The following SAR1B variants were observed in gnomAD, a reference collection of about 807,000 sequenced individuals.
SAR1B encodes small COPII coat GTPase SAR1B.
Under a neutral mutation model 26.8 loss-of-function variants are expected in SAR1B, and 23 were observed. The ratio of observed to expected loss-of-function variants is 0.86; its 90% CI spans 0.62 to 1.22. The LOEUF (loss-of-function observed/expected upper bound fraction) is 1.22, where lower values mean the gene tolerates loss of function less well. Ranked by LOEUF, SAR1B falls within the 50% of genes most tolerant of loss-of-function variation. The pLI is 0.00. For synonymous variants in SAR1B, 65 were observed against 80.8 expected, an observed-to-expected ratio of 0.80 and a Z score of 1.05; for missense variants, 196 against 232.8, an observed-to-expected ratio of 0.84 and a Z score of 1.03.
Position 134,612,672 on chromosome 5 carries a change from A to ATTAACTTT in SAR1B, c.244+18_244+19insAAAGTTAA. ...AAAAAAAAAAAAAAAAAAAAAAAAA[A>ATTAACTTT]AAAAAAAAAGAATCTTACCTTGAAC... On this transcript the variant is annotated intron_variant, in intron 4 of 6. Transcript: ENST00000402673. 8.6e-7 allele frequency: 1 copy of ATTAACTTT among 1,158,864 alleles called. No homozygotes were observed. The highest frequency in any genetic ancestry group is 1.2e-6 in the Non-Finnish European group (1 of 851,856). The allele number at this position is 1,158,864 out of a possible 1,614,324, so 71.8% of individuals were successfully genotyped here.
In SAR1B at chr5:134,605,457, T is replaced by TGC. The variant is rs1765109105; in HGVS notation, c.*1492_*1493insGC. The TGC allele has an allele frequency of 6.6e-6, 1 of 152,036 alleles. No homozygotes were observed. The allele number at this position is 152,036 out of a possible 1,614,324, so 9.4% of individuals were successfully genotyped here. On this transcript the variant is annotated 3_prime_UTR_variant, in exon 7 of 7. Transcript: ENST00000402673. The stretch of plus-strand genomic sequence containing the variant: ...TTTTGAAAAACTAAAATTTTCTTAG[T>TGC]AAGCCTAGCAATGAGGCTTGCAGGC...
rs1318588293 is a variant in SAR1B at position 134,609,605 on chromosome 5, T to C, written c.314A>G (p.His105Arg). The change falls in exon 5 of 7, where the codon CAC becomes CGC. Residue 105 changes from histidine (H) to arginine (R), a missense_variant. Transcript: ENST00000402673. ...GIVFLVDCAD[H>R]ERLLESKEEL... ...TTCTTTTGACTCTAACAGCCTTTCG[T>C]GGTCTGCACAATCCACCAGAAATAC... 1.2e-6 allele frequency: 2 copies of C among 1,614,042 alleles called. No homozygotes were observed. Among genetic ancestry groups the C allele is most frequent in the African/African-American group, 1.3e-5 (1 of 74,922 alleles).
intron 2 of SAR1B, among the ~76,000 whole-genome samples, chr5:134,623,428 A>T (rs1181687874): frequency 6.6e-6 from 1 of 151,552 alleles, no homozygotes; most frequent in Non-Finnish European, 1.5e-5. Flanking sequence ...CGACAGAGCG[A>T]GACTCCATCT....
rs1765074366 is a variant in SAR1B, at chr5:134,603,423, A to G, written c.*3527T>C. The G allele has an allele frequency of 6.6e-6, 1 of 152,270 alleles. No homozygotes were observed. The highest frequency in any genetic ancestry group is 1.5e-5 in the Non-Finnish European group (1 of 68,046). 9.4% of individuals were successfully genotyped at this position (152,270 alleles called of 1,614,324 possible). ...TTAATAAAATAATTTTCTAGAATGC[A>G]AGAAACACTATTATCACAGTTATCA... is the stretch of plus-strand genomic sequence containing the variant. On this transcript the variant is annotated 3_prime_UTR_variant, in exon 7 of 7. Coordinates refer to ENST00000402673, the MANE Select transcript of SAR1B (RefSeq NM_016103.4).
Position 134,612,678 on chromosome 5 carries a change from A to AAAAAAAAT in SAR1B, c.244+12_244+13insATTTTTTT. ...AAAAAAAAAAAAAAAAAAAAAAAAA[A>AAAAAAAAT]AAAGAATCTTACCTTGAACATGTCC... On this transcript the variant is annotated intron_variant, in intron 4 of 6. Coordinates refer to ENST00000402673, the MANE Select transcript of SAR1B (RefSeq NM_016103.4). The AAAAAAAAT allele has an allele frequency of 2.0e-6, 2 of 1,000,232 alleles. No homozygotes were observed. The highest frequency in any genetic ancestry group is 2.8e-6 in the Non-Finnish European group (2 of 716,894). The allele number at this position is 1,000,232 out of a possible 1,614,324, so 62.0% of individuals were successfully genotyped here.
At chr5:134,612,794 G>C in intron 3 of SAR1B, 38 bp from the exon 4 acceptor site, 1 of 1,544,460 alleles carries the variant, frequency 6.5e-7, no homozygotes, top group Non-Finnish European at 8.8e-7. Context: ...ATGAAAATTA[G>C]AAACCCATTA....
At chr5:134,628,905 C>T (rs570130894) in intron 1 of SAR1B, among the ~76,000 whole-genome samples, 190 of 152,116 alleles carry the variant, frequency 1.2e-3, no homozygotes, top group African/African-American at 3.9e-3. Flanking sequence ...CCACTCGCCT[C>T]GGTGTCCCAA....
At chr5:134,624,587 C>T (rs1319340087) in intron 1 of SAR1B, among the ~76,000 whole-genome samples, 3 of 149,218 alleles carry the variant, frequency 2.0e-5, no homozygotes, top group South Asian at 4.2e-4. Flanking sequence ...AAACTAAAAT[C>T]GTTTAAAAAA....
At chr5:134,612,607 T>TGCA (rs1330183975) in intron 4 of SAR1B, 84 bp downstream of exon 4, 20 of 1,239,498 alleles carry the variant, frequency 1.6e-5, no homozygotes, top group Non-Finnish European at 2.0e-5. Flanking sequence ...ATTGCACCAC[T>TGCA]GCACTCCAGC....
chr5:134,608,230 C>A, intron 6 of SAR1B, 142 bp downstream of exon 6: 1 of 832,740 alleles, frequency 1.2e-6, no homozygotes, highest in Non-Finnish European at 1.9e-6. Context: ...GAAATGAGGA[C>A]ATTAAAAAGA....
chr5:134,621,454 C>T (rs1278513917), intron 2 of SAR1B, among the ~76,000 whole-genome samples: 1 of 149,998 alleles, frequency 6.7e-6, no homozygotes. Flanking sequence ...GCCTGGGCGA[C>T]AAAGTGAGAC....
chr5:134,620,217 A>G (rs376669083), intron 3 of SAR1B, among the ~76,000 whole-genome samples: 7 of 151,712 alleles, frequency 4.6e-5, no homozygotes, highest in East Asian at 3.9e-4. Flanking sequence ...GAGGCAGGAG[A>G]ATGGCGTGAA....
chr5:134,608,532 G>A (rs1176964529), intron 5 of SAR1B, 29 bp from the exon 6 acceptor site: 1 of 1,601,868 alleles, frequency 6.2e-7, no homozygotes, highest in African/African-American at 1.3e-5. Flanking sequence ...TACAAAACAA[G>A]AGTTGATATG....
intron 1 of SAR1B, among the ~76,000 whole-genome samples, chr5:134,628,661 T>A (rs533239383): frequency 3.4e-3 from 494 of 146,864 alleles, no homozygotes; most frequent in South Asian, 7.6e-3. Flanking sequence ...AAAAAAAAAA[T>A]TTTTTTTTTT....
intron 4 of SAR1B, among the ~76,000 whole-genome samples, chr5:134,610,692 C>A (rs1240971266): frequency 6.6e-6 from 1 of 151,660 alleles, no homozygotes; most frequent in African/African-American, 2.4e-5. Flanking sequence ...CAAGATCATG[C>A]CACTGCACTC....
chr5:134,608,799 T>C (rs1765170361), intron 5 of SAR1B, among the ~76,000 whole-genome samples: 2 of 152,250 alleles, frequency 1.3e-5, no homozygotes, highest in Non-Finnish European at 2.9e-5. Flanking sequence ...CTTCTGGCTC[T>C]ACTGCTTTTG....
intron 6 of SAR1B, 112 bp downstream of exon 6, chr5:134,608,260 G>C: frequency 8.6e-7 from 1 of 1,157,902 alleles, no homozygotes; most frequent in African/African-American, 1.6e-5. Context: ...ATAAATGACA[G>C]TTTTCTTTAA....
intron 3 of SAR1B, chr5:134,613,990 T>C (rs1222337960): frequency 6.6e-6 from 1 of 152,154 alleles, no homozygotes; most frequent in Non-Finnish European, 1.5e-5. Context: ...CTATCTAATT[T>C]ACTATTAATC....
rs191835172 is a variant in SAR1B, at chr5:134,605,900, A to G, written c.*1050T>C. On this transcript the variant is annotated 3_prime_UTR_variant, in exon 7 of 7. Transcript: ENST00000402673. ...TCAGATATACATGTCTCTACAATGA[A>G]ACTGCACACAAGGTCCTACTTATTG... is the stretch of plus-strand genomic sequence containing the variant. The G allele has an allele frequency of 6.6e-6, 1 of 152,358 alleles. No individual in the cohort carries two copies. Among genetic ancestry groups the G allele is most frequent in the Admixed American group, 6.5e-5 (1 of 15,292 alleles). The allele number at this position is 152,358 out of a possible 1,614,324, so 9.4% of individuals were successfully genotyped here.
Sources: gnomAD v4.1 joint callset for allele counts (sites outside exome capture counted in the v4.1 genomes callset) on GRCh38, gnomAD v4.1.1 for gene constraint, MANE v1.5 for transcripts, NCBI Gene and HGNC (gene_info 2026-07-23, HGNC 2026-07-21) for gene names.